SLC2A9: variants seen among roughly 807,000 people sequenced by gnomAD.
The protein encoded by SLC2A9 is solute carrier family 2, facilitated glucose transporter member 9.
In SLC2A9, 39 loss-of-function variants were observed where a neutral mutation model predicts 50.6. The observed-to-expected ratio is 0.77, with a 90% CI of 0.60 to 1.01. The LOEUF is 1.01. SLC2A9 is among the 50% of genes least tolerant of loss of function. The pLI is 0.00. For synonymous variants in SLC2A9, 324 were observed against 276.9 expected, an observed-to-expected ratio of 1.17 and a Z score of -1.69; for missense variants, 686 against 677.6, an observed-to-expected ratio of 1.01 and a Z score of -0.14.
intron 2 of SLC2A9, among the ~76,000 whole-genome samples, chr4:10,012,309 A>G (rs755139830): frequency 1.3e-5 from 2 of 152,248 alleles, no homozygotes; most frequent in African/African-American, 4.8e-5. Context: ...GAAGTTTTCC[A>G]TAGGACAGAC....
intron 1 of SLC2A9, among the ~76,000 whole-genome samples, chr4:10,028,276 C>T (rs572178757): frequency 1.3e-5 from 2 of 152,212 alleles, no homozygotes; most frequent in African/African-American, 2.4e-5. Context: ...ATGTGACTCC[C>T]TTTTCATGAG....
chr4:9,808,110 A>G (rs1267007078), intron 3 of SLC2A9, among the ~76,000 whole-genome samples: 1 of 152,164 alleles, frequency 6.6e-6, no homozygotes, highest in Non-Finnish European at 1.5e-5. Context: ...CTTGGCCAGG[A>G]GCAGGCAGGG....
intron 3 of SLC2A9, among the ~76,000 whole-genome samples, chr4:9,820,183 G>A (rs1427926543): frequency 6.6e-6 from 1 of 152,092 alleles, no homozygotes. Context: ...GTGAGATATA[G>A]GTTGGAGTTT....
intron 8 of SLC2A9, among the ~76,000 whole-genome samples, chr4:9,900,217 C>T (rs573444700): frequency 6.6e-6 from 1 of 152,312 alleles, no homozygotes; most frequent in South Asian, 2.1e-4. Context: ...ATGGTAAATG[C>T]TGTCTCCACC....
chr4:9,792,649 A>C (rs561478595), intron 3 of SLC2A9: 31 of 152,346 alleles, frequency 2.0e-4, no homozygotes, highest in African/African-American at 7.2e-4. Context: ...ATATGTACAC[A>C]CACTCCACAG....
At chr4:9,981,557 G>C (rs2109103384) in intron 4 of SLC2A9, among the ~76,000 whole-genome samples, 1 of 152,298 alleles carries the variant, frequency 6.6e-6, no homozygotes, top group East Asian at 1.9e-4. Flanking sequence ...AAATCACCAA[G>C]TAATGTCCAG....
At chr4:9,778,053 T>TTTCCTTCCTTCCTTCC (rs1163039690), downstream of SLC2A9, among the ~76,000 whole-genome samples, 604 of 13,926 alleles carry the variant, frequency 0.043, 1 homozygote, top group Middle Eastern at 0.21. Flanking sequence ...TCTTTCTTTC[T>TTTCCTTCCTTCCTTCC]TTCCTTCCTT....
chr4:9,975,856 T>C (rs1754704434), intron 5 of SLC2A9, among the ~76,000 whole-genome samples: 1 of 152,188 alleles, frequency 6.6e-6, no homozygotes, highest in South Asian at 2.1e-4. Flanking sequence ...TAAGTGTCCA[T>C]CAATGGTGGA....
At chr4:9,899,281 G>C (rs920666623) in intron 8 of SLC2A9, among the ~76,000 whole-genome samples, 2 of 152,238 alleles carry the variant, frequency 1.3e-5, no homozygotes. Flanking sequence ...CAAAGTTTTA[G>C]CTGCAAAAGG....
chr4:9,884,678 C>G (rs1735850521), intron 10 of SLC2A9, among the ~76,000 whole-genome samples: 1 of 152,032 alleles, frequency 6.6e-6, no homozygotes, highest in Admixed American at 6.5e-5. Context: ...AGTATATACC[C>G]AAAGGAATAT....
intron 3 of SLC2A9, among the ~76,000 whole-genome samples, chr4:9,814,549 G>A (rs1723319337): frequency 6.6e-6 from 1 of 152,170 alleles, no homozygotes; most frequent in African/African-American, 2.4e-5. Flanking sequence ...ATTTGTCATG[G>A]TTCTGTGAAT....
chr4:9,954,893 C>T (rs1750941833), intron 5 of SLC2A9, among the ~76,000 whole-genome samples: 1 of 151,714 alleles, frequency 6.6e-6, no homozygotes. Context: ...GTCAGTCTCC[C>T]AATAGAAAAA....
At chr4:9,862,679 A>C (rs1731842109) in intron 10 of SLC2A9, among the ~76,000 whole-genome samples, 1 of 151,934 alleles carries the variant, frequency 6.6e-6, no homozygotes, top group African/African-American at 2.4e-5. Flanking sequence ...TCTCAGACCC[A>C]AGTCCTGCCT....
At chr4:9,791,244 T>C (rs560833332) in intron 3 of SLC2A9, among the ~76,000 whole-genome samples, 2 of 152,316 alleles carry the variant, frequency 1.3e-5, no homozygotes, top group South Asian at 4.1e-4. Flanking sequence ...AATAAATAAA[T>C]TAGTGGAATA....
Position 9,834,935 on chromosome 4 carries a change from G to A in SLC2A9, c.1365C>T (p.Gly455=). 1.9e-6 allele frequency: 3 copies of A among 1,614,108 alleles called. 1 individual carries two copies. The Middle Eastern group carries it at 5.0e-4, about 268-fold the overall frequency. The change falls in exon 11 of 12, where the codon GGC becomes GGT. Residue 455 remains glycine, a synonymous_variant. Coordinates refer to ENST00000264784, the MANE Select transcript of SLC2A9 (RefSeq NM_020041.3). ...CAAAGTTGGAGAGCCAGTTGACGGTGCCTGCAATGATGAAGGCAGCCGGCC... is the reference window on the plus strand; with the variant it reads ...CAAAGTTGGAGAGCCAGTTGACGGTACCTGCAATGATGAAGGCAGCCGGCC... The part of the protein sequence containing the change: ...SQRPAAFIIA[G]TVNWLSNFAV...
intron 3 of SLC2A9, among the ~76,000 whole-genome samples, chr4:9,989,307 C>A (rs1428310209): frequency 6.6e-6 from 1 of 152,220 alleles, no homozygotes; most frequent in Non-Finnish European, 1.5e-5. Context: ...ACCTGAAATT[C>A]ATGACCACCA....
chr4:9,802,266 C>T (rs909829922), intron 3 of SLC2A9, among the ~76,000 whole-genome samples: 2 of 118,856 alleles, frequency 1.7e-5, no homozygotes, highest in Admixed American at 1.6e-4. Context: ...CTGAAAAATG[C>T]TCTTTTTTTT....
chr4:9,781,400 G>T (rs1577253737), intron 3 of SLC2A9, among the ~76,000 whole-genome samples: 2 of 152,230 alleles, frequency 1.3e-5, no homozygotes, highest in African/African-American at 2.4e-5. Flanking sequence ...CAGGGCTAAG[G>T]CTCCAGGGAT....
At chr4:9,931,941 T>A (rs866078233) in intron 6 of SLC2A9, among the ~76,000 whole-genome samples, 13 of 58,560 alleles carry the variant, frequency 2.2e-4, no homozygotes, top group African/African-American at 6.4e-4. Flanking sequence ...TCTCTCTCTC[T>A]CTCTCTCTCT....
Sources: allele counts gnomAD v4.1 joint callset (sites outside exome capture counted in the v4.1 genomes callset), GRCh38; gene constraint gnomAD v4.1.1; transcripts MANE v1.5; gene names NCBI Gene and HGNC (gene_info 2026-07-23, HGNC 2026-07-21).